The following ARID4A variants were observed in gnomAD, a reference collection of about 807,000 sequenced individuals.
ARID4A encodes the protein AT-rich interaction domain 4A.
In ARID4A, 39 loss-of-function variants were observed where a neutral mutation model predicts 148.6. The observed-to-expected ratio is 0.26, with a 90% CI of 0.20 to 0.34. The LOEUF (loss-of-function observed/expected upper bound fraction) is 0.34. ARID4A is among the 10% of genes least tolerant of loss of function. The pLI is 1.00. For missense variants in ARID4A, 1,265 were observed against 1,449.1 expected, an observed-to-expected ratio of 0.87 and a Z score of 2.06; for synonymous variants, 475 against 481.2, an observed-to-expected ratio of 0.99 and a Z score of 0.17.
chr14:58,337,053 A>G (rs569656059), intron 11 of ARID4A, among the ~76,000 whole-genome samples: 7 of 150,738 alleles, frequency 4.6e-5, no homozygotes, highest in African/African-American at 1.7e-4. Flanking sequence ...CACCATGCCC[A>G]GCTAATTTTT....
At chr14:58,326,468 G>T (rs972382071) in intron 8 of ARID4A, among the ~76,000 whole-genome samples, 1 of 152,158 alleles carries the variant, frequency 6.6e-6, no homozygotes, top group African/African-American at 2.4e-5. Flanking sequence ...TTTGTTCATG[G>T]AACTGTTTGC....
At chr14:58,305,875 A>C (rs1566665875) in intron 4 of ARID4A, 147 bp from the exon 5 acceptor site, 2 of 618,144 alleles carry the variant, frequency 3.2e-6, no homozygotes, top group East Asian at 2.8e-5. Context: ...ATAGATAAGT[A>C]CTATGAATGA....
At chr14:58,302,517 G>A (rs1226364334) in intron 3 of ARID4A, among the ~76,000 whole-genome samples, 5 of 151,930 alleles carry the variant, frequency 3.3e-5, no homozygotes, top group African/African-American at 2.4e-5. Context: ...AATTAACCTG[G>A]CATGGTGGTG....
intron 15 of ARID4A, 68 bp downstream of exon 15, chr14:58,347,946 A>G: frequency 1.9e-6 from 2 of 1,076,556 alleles, no homozygotes; most frequent in Non-Finnish European, 2.6e-6. Context: ...AGCCATTTTC[A>G]TATATACACA....
chr14:58,304,986 G>T lies in ARID4A; in HGVS notation c.160G>T (p.Asp54Tyr). ...QDNTTQLVQD[D>Y]QVKGPLRVGA... ...TAATACCACACAATTGGTACAAGAT[G>T]ACCAAGTAAAGGGTCCTTTAAGAGT... The change falls in exon 4 of 24, where the codon GAC becomes TAC. Residue 54 changes from aspartate to tyrosine, a missense_variant. Asp to Tyr is a radical substitution (Grantham distance 160). Around this residue, in one of 9 missense-constraint regions of ARID4A, gnomAD observed 59 missense variants for 49.8 expected, o/e 1.18. Coordinates refer to ENST00000355431, the MANE Select transcript of ARID4A (RefSeq NM_002892.4). The T allele has an allele frequency of 6.2e-7, 1 of 1,607,070 alleles. No homozygotes were observed. The highest frequency in any genetic ancestry group is 8.5e-7 in the Non-Finnish European group (1 of 1,177,530).
At position 58,323,595 on chromosome 14, in the gene ARID4A, G is replaced by C; in HGVS notation, c.560G>C (p.Arg187Thr). ...GTAAGTGTGGTGTCTGCAACGGAGAGGACTGAATGGTATCCTGCTTTGGTA... is the reference window on the plus strand; with the variant it reads ...GTAAGTGTGGTGTCTGCAACGGAGACGACTGAATGGTATCCTGCTTTGGTA... ...KVVSVVSATERTEWYPALVIS... is the reference protein window; with the variant it reads ...KVVSVVSATETTEWYPALVIS... The change falls in exon 8 of 24, where the codon AGG becomes ACG. Residue 187 changes from arginine (R) to threonine (T), a missense_variant. Around this residue, in one of 9 missense-constraint regions of ARID4A, gnomAD observed 249 missense variants for 277.2 expected, o/e 0.90. Coordinates refer to ENST00000355431, the MANE Select transcript of ARID4A (RefSeq NM_002892.4). 6.2e-7 allele frequency: 1 copy of C among 1,613,844 alleles called. No individual in the cohort carries two copies. Among genetic ancestry groups the C allele is most frequent in the Non-Finnish European group, 8.5e-7 (1 of 1,179,848 alleles).
At chr14:58,305,812 T>C (rs2031555685) in intron 4 of ARID4A, among the ~76,000 whole-genome samples, 2 of 152,210 alleles carry the variant, frequency 1.3e-5, no homozygotes, top group Non-Finnish European at 2.9e-5. Context: ...GTAGGGGTAA[T>C]AATAGCTACC....
At chr14:58,307,825 C>A (rs1250281731) in intron 5 of ARID4A, among the ~76,000 whole-genome samples, 1 of 152,080 alleles carries the variant, frequency 6.6e-6, no homozygotes, top group Non-Finnish European at 1.5e-5. Context: ...CGTCTCAAAA[C>A]AAATAAAAAC....
At chr14:58,363,653 G>A (rs536065845) in intron 19 of ARID4A, among the ~76,000 whole-genome samples, 1 of 151,862 alleles carries the variant, frequency 6.6e-6, no homozygotes, top group Non-Finnish European at 1.5e-5. Context: ...CTGAGATCAC[G>A]CCACTGCACT....
intron 3 of ARID4A, among the ~76,000 whole-genome samples, chr14:58,302,716 A>G (rs1272787381): frequency 3.9e-5 from 6 of 152,084 alleles, no homozygotes; most frequent in Non-Finnish European, 8.8e-5. Context: ...GCACTTGGGA[A>G]GCCTGAATGG....
chr14:58,350,257 A>C (rs1451439872), intron 15 of ARID4A, among the ~76,000 whole-genome samples: 3 of 152,002 alleles, frequency 2.0e-5, no homozygotes, highest in Non-Finnish European at 2.9e-5. Context: ...TGAAGTGTAA[A>C]TAGCACATAG....
intron 8 of ARID4A, among the ~76,000 whole-genome samples, chr14:58,327,503 A>G (rs1431220407): frequency 6.6e-6 from 1 of 151,952 alleles, no homozygotes; most frequent in Non-Finnish European, 1.5e-5. Flanking sequence ...AAAAGGTAAC[A>G]TAGATTTTTT....
intron 11 of ARID4A, among the ~76,000 whole-genome samples, chr14:58,332,871 TTTG>T (rs2033611205): frequency 6.6e-6 from 1 of 152,206 alleles, no homozygotes; most frequent in South Asian, 2.1e-4. Context: ...TAGTCTGTTA[TTTG>T]TTGTTTTTAG....
chr14:58,368,229 T>C (rs2035444550), intron 23 of ARID4A, among the ~76,000 whole-genome samples: 2 of 152,224 alleles, frequency 1.3e-5, no homozygotes, highest in Non-Finnish European at 1.5e-5. Context: ...TTGCTGTCCC[T>C]CTTCTAACTC....
chr14:58,318,724 T>C lies in ARID4A; in HGVS notation c.368T>C (p.Leu123Pro). Reference protein sequence around the residue: ...HFAESETLDQLPLTNPEHFGT... With the variant: ...HFAESETLDQPPLTNPEHFGT... ...TTTCTTATACAGACACTTGACCAGC[T>C]TCCATTAACAAATCCAGAGCATTTT... The change falls in exon 7 of 24, where the codon CTT becomes CCT. Residue 123 changes from leucine (L) to proline (P), a missense_variant. By Grantham distance (98) the Leu-to-Pro change is moderately conservative. Around this residue, in one of 9 missense-constraint regions of ARID4A, gnomAD observed 6 missense variants for 24.2 expected, o/e 0.25. Coordinates refer to ENST00000355431, the MANE Select transcript of ARID4A (RefSeq NM_002892.4). 6.2e-7 allele frequency: 1 copy of C among 1,614,054 alleles called. No homozygotes were observed. The highest frequency in any genetic ancestry group is 8.5e-7 in the Non-Finnish European group (1 of 1,179,940).
At chr14:58,320,109 A>G (rs1206615395) in intron 7 of ARID4A, among the ~76,000 whole-genome samples, 2 of 151,422 alleles carry the variant, frequency 1.3e-5, no homozygotes, top group African/African-American at 4.9e-5. Context: ...CACCACGCCC[A>G]GCTAATTTTT....
intron 23 of ARID4A, 81 bp downstream of exon 23, chr14:58,367,110 TG>T: frequency 4.5e-6 from 5 of 1,111,006 alleles, no homozygotes; most frequent in Non-Finnish European, 6.1e-6. Context: ...TGATACTCTT[TG>T]AATATAGTAC....
chr14:58,367,209 C>G (rs576786297), intron 23 of ARID4A, among the ~76,000 whole-genome samples, 180 bp downstream of exon 23: 1 of 152,320 alleles, frequency 6.6e-6, no homozygotes, highest in East Asian at 1.9e-4. Flanking sequence ...GAATGACACC[C>G]TTAAAAGGGA....
At chr14:58,326,298 G>A (rs372898043) in intron 8 of ARID4A, among the ~76,000 whole-genome samples, 11 of 152,162 alleles carry the variant, frequency 7.2e-5, no homozygotes, top group Non-Finnish European at 1.3e-4. Flanking sequence ...TTAGCCAGGC[G>A]TGGTGGTAGG....
Sources: allele counts gnomAD v4.1 joint callset (sites outside exome capture counted in the v4.1 genomes callset), GRCh38; gene constraint gnomAD v4.1.1; regional missense constraint gnomAD v4.1.1; transcripts MANE v1.5; gene names NCBI Gene and HGNC (gene_info 2026-07-23, HGNC 2026-07-21).